MAP3K15: variants seen among roughly 807,000 people sequenced by gnomAD.
MAP3K15 encodes MAPK/ERK kinase kinase 15.
MAP3K15 carries 124 observed loss-of-function variants against 99.5 expected under a neutral mutation model. The observed-to-expected ratio is 1.25, with a 90% CI of 1.08 to 1.45. The LOEUF is 1.45. Among genes scored for constraint, MAP3K15 ranks in the 40% most tolerant of loss-of-function variants. The pLI, the probability that MAP3K15 is intolerant of heterozygous loss-of-function variation, is 0.00. For missense variants in MAP3K15, 1,242 were observed against 1,079.7 expected (o/e 1.15, Z -2.11); for synonymous variants, 494 against 439.6 (o/e 1.12, Z -1.55).
intron 18 of MAP3K15, among the ~76,000 whole-genome samples, chrX:19,384,749 GAAAAAAAAAA>G (rs34619145): frequency 3.5e-4 from 8 of 22,558 alleles, no homozygotes; most frequent in Non-Finnish European, 6.0e-4. Flanking sequence ...TGTCTCAGGG[GAAAAAAAAAA>G]AAAAAAAAAA....
chrX:19,436,468 C>A (rs957565195), intron 6 of MAP3K15, among the ~76,000 whole-genome samples: 7 of 111,255 alleles, frequency 6.3e-5, no homozygotes, highest in Admixed American at 9.6e-5. Flanking sequence ...CTTGGCAGTA[C>A]CCTTGGACAT....
intron 26 of MAP3K15, 101 bp from the exon 27 acceptor site, chrX:19,361,694 G>A: frequency 3.5e-6 from 2 of 571,497 alleles, no homozygotes; most frequent in Non-Finnish European, 5.7e-6. Context: ...AATGTGATGT[G>A]AAAAAGAGAT....
At chrX:19,488,489 C>T (rs1454794948) in intron 2 of MAP3K15, among the ~76,000 whole-genome samples, 1 of 111,650 alleles carries the variant, frequency 9.0e-6, no homozygotes, top group Non-Finnish European at 1.9e-5. Context: ...TGAAGGAATT[C>T]AGAACTGATT....
intron 7 of MAP3K15, among the ~76,000 whole-genome samples, chrX:19,428,692 T>C (rs946026239): frequency 4.5e-5 from 5 of 111,186 alleles, no homozygotes; most frequent in African/African-American, 1.6e-4. Flanking sequence ...TGAGGCCGGG[T>C]GTGGTGGCTC....
At chrX:19,379,597 G>A (rs751214284) in intron 19 of MAP3K15, among the ~76,000 whole-genome samples, 2 of 109,794 alleles carry the variant, frequency 1.8e-5, no homozygotes, top group Admixed American at 9.7e-5. Flanking sequence ...ACAGGCATGC[G>A]CCACCACGTC....
intron 1 of MAP3K15, among the ~76,000 whole-genome samples, chrX:19,493,185 G>A (rs936232671): frequency 1.1e-4 from 12 of 109,751 alleles, no homozygotes; most frequent in African/African-American, 2.0e-4. Flanking sequence ...AACCTTGAAC[G>A]TGGCAGAGGA....
chrX:19,489,011 T>C, intron 1 of MAP3K15, 44 bp from the exon 2 acceptor site: 2 of 1,121,682 alleles, frequency 1.8e-6, no homozygotes, highest in African/African-American at 1.8e-5. Flanking sequence ...AGATGATCTG[T>C]CTACTTCATC....
At chrX:19,407,348 A>G in intron 12 of MAP3K15, 65 bp from the exon 13 acceptor site, 1 of 587,546 alleles carries the variant, frequency 1.7e-6, no homozygotes, top group Non-Finnish European at 2.6e-6. Context: ...TCTGCAAGAC[A>G]ATCTTTTCTT....
intron 1 of MAP3K15, among the ~76,000 whole-genome samples, chrX:19,494,154 T>G (rs756303087): frequency 9.0e-6 from 1 of 111,162 alleles, no homozygotes; most frequent in African/African-American, 3.3e-5. Context: ...CTACCTATCT[T>G]GGTTTAGCAA....
chrX:19,450,992 A>G (rs2064033128), intron 6 of MAP3K15, among the ~76,000 whole-genome samples: 1 of 109,504 alleles, frequency 9.1e-6, no homozygotes, highest in South Asian at 4.0e-4. Context: ...GGATTAGATA[A>G]ATGAGACATC....
chrX:19,428,184 T>C (rs778687542), intron 7 of MAP3K15, among the ~76,000 whole-genome samples: 145 of 111,253 alleles, frequency 1.3e-3, no homozygotes, highest in African/African-American at 4.6e-3. Flanking sequence ...CACTGGAGAG[T>C]GTGGGTTAGA....
At chrX:19,364,313 G>C (rs1457132566) in intron 25 of MAP3K15, among the ~76,000 whole-genome samples, 12 of 112,265 alleles carry the variant, frequency 1.1e-4, no homozygotes, top group African/African-American at 1.9e-4. Context: ...CCACATGCCA[G>C]CTCAGGCATA....
intron 7 of MAP3K15, among the ~76,000 whole-genome samples, chrX:19,427,728 C>G (rs2063843243): frequency 9.0e-6 from 1 of 111,409 alleles, no homozygotes; most frequent in South Asian, 3.8e-4. Flanking sequence ...ATACCAAAGA[C>G]TTGCTAGTAG....
intron 21 of MAP3K15, 140 bp downstream of exon 21, chrX:19,373,396 G>A (rs945822547): frequency 1.1e-5 from 8 of 717,016 alleles, no homozygotes; most frequent in African/African-American, 6.5e-5. Context: ...GGGATGGGGC[G>A]GCTCAGCTGC....
chrX:19,514,403 G>C (rs886914250), intron 1 of MAP3K15, among the ~76,000 whole-genome samples: 3 of 99,527 alleles, frequency 3.0e-5, no homozygotes, highest in African/African-American at 1.1e-4. Context: ...TGATGTTTAA[G>C]ATGCCTGAAG....
At chrX:19,437,677 T>C (rs748396945) in intron 6 of MAP3K15, among the ~76,000 whole-genome samples, 1 of 112,174 alleles carries the variant, frequency 8.9e-6, no homozygotes, top group East Asian at 2.8e-4. Flanking sequence ...TTAGGTTTTT[T>C]TTATTCTATC....
intron 9 of MAP3K15, among the ~76,000 whole-genome samples, chrX:19,420,988 C>G (rs2147292783): frequency 9.0e-6 from 1 of 111,502 alleles, no homozygotes; most frequent in South Asian, 3.8e-4. Flanking sequence ...AACAACGCTT[C>G]ATGCTAAAAA....
chrX:19,428,219 A>G (rs1057409496), intron 7 of MAP3K15, among the ~76,000 whole-genome samples: 1 of 111,690 alleles, frequency 9.0e-6, no homozygotes, highest in Non-Finnish European at 1.9e-5. Context: ...GATCTTATCC[A>G]CAGCCACCAC....
At chrX:19,390,303 C>CTTTTTTTTT (rs869140702) in intron 18 of MAP3K15, among the ~76,000 whole-genome samples, 2 of 69,393 alleles carry the variant, frequency 2.9e-5, no homozygotes, top group Non-Finnish European at 5.1e-5. Context: ...CTAATTTTTT[C>CTTTTTTTTT]TTTTTTTTTT....
Sources: allele counts gnomAD v4.1 joint callset (sites outside exome capture counted in the v4.1 genomes callset), GRCh38; gene constraint gnomAD v4.1.1; transcripts MANE v1.5; gene names NCBI Gene and HGNC (gene_info 2026-07-23, HGNC 2026-07-21).